The following DISC1 variants were observed in gnomAD, a reference collection of about 807,000 sequenced individuals.
DISC1 encodes DISC1 scaffold protein.
A neutral mutation model predicts 84.5 loss-of-function variants in DISC1; 57 were observed. The ratio of observed to expected loss-of-function variants is 0.67; its 90% CI spans 0.55 to 0.84. DISC1 has a LOEUF of 0.84. Among genes scored for constraint, DISC1 ranks in the 40% least tolerant of loss-of-function variants. The probability of loss-of-function intolerance (pLI) is 0.00; values close to 1 mark genes in which losing one functional copy is unlikely to be tolerated. For synonymous variants in DISC1, 411 were observed against 415.2 expected (o/e 0.99, Z 0.12); for missense variants, 1,000 against 1,057.8 (o/e 0.95, Z 0.76).
chr1:231,919,024 A>C (rs1199553920), intron 9 of DISC1, among the ~76,000 whole-genome samples: 2 of 152,180 alleles, frequency 1.3e-5, no homozygotes, highest in Non-Finnish European at 2.9e-5. Context: ...AAGAATTTAT[A>C]ATTTTCCAGT....
intron 9 of DISC1, among the ~76,000 whole-genome samples, chr1:231,884,164 C>T (rs1222464783): frequency 2.6e-5 from 4 of 152,160 alleles, no homozygotes; most frequent in Non-Finnish European, 5.9e-5. Flanking sequence ...GATGTACCTG[C>T]TCTGCAGTGG....
intron 9 of DISC1, among the ~76,000 whole-genome samples, chr1:231,844,979 AGG>A (rs1419114929): frequency 3.9e-5 from 6 of 152,124 alleles, no homozygotes; most frequent in Non-Finnish European, 5.9e-5. Context: ...ATCAATAAGA[AGG>A]AATGTCTGGG....
chr1:231,937,970 T>TC (rs1310855881), intron 9 of DISC1, among the ~76,000 whole-genome samples: 1 of 152,060 alleles, frequency 6.6e-6, no homozygotes, highest in Non-Finnish European at 1.5e-5. Context: ...AGACATCTCC[T>TC]CCCGGGGGTT....
At chr1:231,854,351 C>A (rs1441072234) in intron 9 of DISC1, among the ~76,000 whole-genome samples, 1 of 152,108 alleles carries the variant, frequency 6.6e-6, no homozygotes, top group African/African-American at 2.4e-5. Context: ...ATATATAGAA[C>A]TGTAAAACTT....
At chr1:231,920,194 C>T (rs1297648946) in intron 9 of DISC1, among the ~76,000 whole-genome samples, 1 of 152,172 alleles carries the variant, frequency 6.6e-6, no homozygotes, top group East Asian at 1.9e-4. Context: ...CACAGCGTGC[C>T]TAGTTAAATT....
At chr1:231,915,661 G>A (rs558880219) in intron 9 of DISC1, among the ~76,000 whole-genome samples, 3 of 152,218 alleles carry the variant, frequency 2.0e-5, no homozygotes, top group South Asian at 2.1e-4. Flanking sequence ...ACCTGTAATC[G>A]CAGCTACTTG....
At chr1:231,794,456 T>C (rs1179079771) in intron 6 of DISC1, among the ~76,000 whole-genome samples, 1 of 152,216 alleles carries the variant, frequency 6.6e-6, no homozygotes, top group Non-Finnish European at 1.5e-5. Flanking sequence ...CCTCTTGCTT[T>C]ATATTATAGC....
chr1:231,817,071 A>G (rs1380763916), intron 8 of DISC1, among the ~76,000 whole-genome samples: 1 of 152,040 alleles, frequency 6.6e-6, no homozygotes, highest in Admixed American at 6.6e-5. Context: ...CCTCAAACTC[A>G]TGGGCTCATT....
intron 4 of DISC1, among the ~76,000 whole-genome samples, chr1:231,766,574 G>A (rs570480888): frequency 6.6e-6 from 1 of 152,294 alleles, no homozygotes; most frequent in East Asian, 1.9e-4. Flanking sequence ...AATGAGCAGA[G>A]GAAGGGTGGA....
chr1:232,021,962 T>C (rs1668999998), intron 11 of DISC1, among the ~76,000 whole-genome samples: 1 of 152,118 alleles, frequency 6.6e-6, no homozygotes, highest in Non-Finnish European at 1.5e-5. Flanking sequence ...AGCCCGTCCA[T>C]GTAGCTGGGG....
intron 10 of DISC1, among the ~76,000 whole-genome samples, chr1:231,993,931 T>C (rs1030651818): frequency 4.6e-5 from 7 of 152,178 alleles, no homozygotes; most frequent in Non-Finnish European, 1.0e-4. Context: ...GGAAAATAAA[T>C]TGTTATTCGA....
chr1:231,901,882 A>G (rs2126028833), intron 9 of DISC1, among the ~76,000 whole-genome samples: 1 of 152,168 alleles, frequency 6.6e-6, no homozygotes, highest in East Asian at 1.9e-4. Flanking sequence ...TCTTATCCTG[A>G]ATTCTGATTC....
intron 3 of DISC1, among the ~76,000 whole-genome samples, chr1:231,719,116 C>A (rs1389517428): frequency 1.3e-5 from 2 of 152,170 alleles, no homozygotes; most frequent in Admixed American, 1.3e-4. Context: ...CAGAGCAAGA[C>A]CCTGTCTCCA....
chr1:232,008,710 T>A, intron 10 of DISC1, 75 bp from the exon 11 acceptor site: 1 of 1,488,184 alleles, frequency 6.7e-7, no homozygotes, highest in Non-Finnish European at 9.0e-7. Flanking sequence ...TTTAGCCAGG[T>A]AGACAAGCTA....
At chr1:231,981,398 C>T (rs1160987321) in intron 10 of DISC1, among the ~76,000 whole-genome samples, 2 of 152,122 alleles carry the variant, frequency 1.3e-5, no homozygotes, top group African/African-American at 2.4e-5. Flanking sequence ...AGAAGACTGT[C>T]GTAGACTGCT....
intron 3 of DISC1, among the ~76,000 whole-genome samples, chr1:231,727,629 C>T (rs2070916510): frequency 6.6e-6 from 1 of 152,152 alleles, no homozygotes; most frequent in African/African-American, 2.4e-5. Context: ...CCCATGACAG[C>T]AATCTCTTGG....
intron 9 of DISC1, among the ~76,000 whole-genome samples, chr1:231,871,027 G>C (rs1253853016): frequency 6.6e-6 from 1 of 152,080 alleles, no homozygotes; most frequent in East Asian, 1.9e-4. Flanking sequence ...TGCACTGTTG[G>C]GGATGTGGTG....
At chr1:232,003,584 A>C (rs1377266557) in intron 10 of DISC1, among the ~76,000 whole-genome samples, 2 of 152,160 alleles carry the variant, frequency 1.3e-5, no homozygotes, top group Non-Finnish European at 2.9e-5. Context: ...AAATATATAA[A>C]GATTTTAATA....
intron 5 of DISC1, among the ~76,000 whole-genome samples, chr1:231,770,442 G>A (rs1004378187): frequency 1.3e-5 from 2 of 152,102 alleles, no homozygotes; most frequent in African/African-American, 4.8e-5. Flanking sequence ...AGGGTCAGTT[G>A]CATTTCTTGT....
Sources: allele counts gnomAD v4.1 joint callset (sites outside exome capture counted in the v4.1 genomes callset), GRCh38; gene constraint gnomAD v4.1.1; transcripts MANE v1.5; gene names NCBI Gene and HGNC (gene_info 2026-07-23, HGNC 2026-07-21).